Variants in ULK4 observed in about 807,000 individuals in gnomAD.
ULK4 encodes inactive serine/threonine-protein kinase ULK4.
ULK4 carries 133 observed loss-of-function variants against 160.6 expected under a neutral mutation model. The ratio of observed to expected loss-of-function variants is 0.83; its 90% CI spans 0.72 to 0.96. ULK4 has a LOEUF of 0.96. ULK4 is among the 40% of genes least tolerant of loss of function. The pLI is 0.00. For missense variants in ULK4, 1,580 were observed against 1,499.5 expected (o/e 1.05, Z -0.89); for synonymous variants, 534 against 539.8 (o/e 0.99, Z 0.15).
chr3:41,826,667 T>G (rs1410925799), intron 18 of ULK4, among the ~76,000 whole-genome samples: 3 of 149,250 alleles, frequency 2.0e-5, no homozygotes, highest in Non-Finnish European at 4.4e-5. Context: ...AGCAAGTCCT[T>G]AGAGACCTAC....
chr3:41,919,312 GTTT>G (rs978402189), intron 6 of ULK4, among the ~76,000 whole-genome samples: 1 of 152,122 alleles, frequency 6.6e-6, no homozygotes, highest in Non-Finnish European at 1.5e-5. Flanking sequence ...TAAGGTCACA[GTTT>G]TTTTGGCCAG....
chr3:41,706,567 C>T lies in ULK4; in HGVS notation c.2635-1262G>A, dbSNP rs370460127. Among the ~76,000 whole-genome samples the T allele has an allele frequency of 3.3e-5, 5 of 151,272 alleles. 1 individual carries two copies. In the East Asian group the frequency reaches 9.7e-4, roughly 29 times the overall value. ...CATAGGCCAAGCGCAGTGGCTCACA[C>T]CTGTAATCCCAGCACTTTGGGAGGC... On this transcript the variant is annotated intron_variant, in intron 25 of 36. Transcript: ENST00000301831.
At chr3:41,470,260 C>G (rs1424141867) in intron 32 of ULK4, among the ~76,000 whole-genome samples, 1 of 151,898 alleles carries the variant, frequency 6.6e-6, no homozygotes, top group Non-Finnish European at 1.5e-5. Flanking sequence ...CAAGGGAGTC[C>G]CAATACAATG....
intron 6 of ULK4, among the ~76,000 whole-genome samples, chr3:41,919,510 A>C (rs1363293545): frequency 6.6e-6 from 1 of 152,148 alleles, no homozygotes; most frequent in Non-Finnish European, 1.5e-5. Flanking sequence ...GCTGAGACAC[A>C]GGAATGGCTT....
intron 17 of ULK4, among the ~76,000 whole-genome samples, chr3:41,880,678 T>G (rs1357500703): frequency 6.6e-6 from 1 of 152,146 alleles, no homozygotes; most frequent in Non-Finnish European, 1.5e-5. Context: ...ATCCCAATAC[T>G]TTGGGGAAGC....
intron 35 of ULK4, among the ~76,000 whole-genome samples, chr3:41,327,532 C>T (rs2080361199): frequency 6.6e-6 from 1 of 152,156 alleles, no homozygotes; most frequent in South Asian, 2.1e-4. Context: ...CTTCCAAATT[C>T]CTGATTATTA....
intron 35 of ULK4, among the ~76,000 whole-genome samples, chr3:41,352,563 G>T (rs1051098364): frequency 4.6e-5 from 7 of 152,128 alleles, no homozygotes; most frequent in African/African-American, 1.7e-4. Flanking sequence ...ATCTCTTTCA[G>T]TTATGAGCTG....
At chr3:41,880,690 A>T (rs1697485257) in intron 17 of ULK4, among the ~76,000 whole-genome samples, 1 of 152,166 alleles carries the variant, frequency 6.6e-6, no homozygotes, top group South Asian at 2.1e-4. Flanking sequence ...TGGGGAAGCC[A>T]AGACAAATGG....
At chr3:41,635,164 C>T (rs1305090023) in intron 30 of ULK4, among the ~76,000 whole-genome samples, 1 of 151,998 alleles carries the variant, frequency 6.6e-6, no homozygotes, top group African/African-American at 2.4e-5. Context: ...TTTAGTATCC[C>T]CAAGCCTATT....
At chr3:41,550,299 ACC>A (rs2087012133) in intron 32 of ULK4, among the ~76,000 whole-genome samples, 1 of 152,084 alleles carries the variant, frequency 6.6e-6, no homozygotes, top group African/African-American at 2.4e-5. Context: ...ATCAATAATA[ACC>A]TTGAATATAA....
At chr3:41,468,534 G>A (rs1009357477) in intron 32 of ULK4, among the ~76,000 whole-genome samples, 8 of 152,118 alleles carry the variant, frequency 5.3e-5, no homozygotes, top group Admixed American at 2.6e-4. Flanking sequence ...GTTTCCGCAC[G>A]TTCCACAGAA....
At chr3:41,351,984 C>T (rs1318756697) in intron 35 of ULK4, among the ~76,000 whole-genome samples, 2 of 152,160 alleles carry the variant, frequency 1.3e-5, no homozygotes, top group African/African-American at 2.4e-5. Context: ...AAGGACAATA[C>T]ATAAACAGAC....
intron 19 of ULK4, among the ~76,000 whole-genome samples, chr3:41,815,537 T>C (rs1306097319): frequency 6.6e-6 from 1 of 152,202 alleles, no homozygotes; most frequent in Non-Finnish European, 1.5e-5. Context: ...TTGAAGGCAA[T>C]ACTCTGTAAA....
intron 35 of ULK4, among the ~76,000 whole-genome samples, chr3:41,260,964 G>A (rs968271968): frequency 5.3e-5 from 8 of 152,216 alleles, no homozygotes; most frequent in African/African-American, 1.9e-4. Context: ...CTGGAATACA[G>A]TGATTCCTCA....
intron 35 of ULK4, among the ~76,000 whole-genome samples, chr3:41,354,272 G>T (rs1005367901): frequency 4.3e-4 from 66 of 152,168 alleles, no homozygotes; most frequent in African/African-American, 1.6e-3. Context: ...CTGAGCAGGG[G>T]CTATGTTGAT....
intron 32 of ULK4, among the ~76,000 whole-genome samples, chr3:41,563,826 G>T (rs1474740477): frequency 6.6e-6 from 1 of 152,128 alleles, no homozygotes; most frequent in Non-Finnish European, 1.5e-5. Flanking sequence ...GCTTGGAGAA[G>T]TTTGTTATTA....
intron 32 of ULK4, among the ~76,000 whole-genome samples, chr3:41,498,665 A>G (rs2085080470): frequency 6.6e-6 from 1 of 151,134 alleles, no homozygotes; most frequent in Non-Finnish European, 1.5e-5. Context: ...GCACGATCTC[A>G]GCCCACTGCA....
chr3:41,450,094 AG>A (rs2083392500), intron 34 of ULK4, among the ~76,000 whole-genome samples: 1 of 152,094 alleles, frequency 6.6e-6, no homozygotes, highest in African/African-American at 2.4e-5. Context: ...AGGGACAAGC[AG>A]GCTGTAGCAT....
intron 19 of ULK4, among the ~76,000 whole-genome samples, chr3:41,812,290 C>CAAAA (rs1220164345): frequency 1.3e-5 from 2 of 151,922 alleles, no homozygotes; most frequent in Admixed American, 1.3e-4. Flanking sequence ...GTCTCAAAAA[C>CAAAA]AAACAAAACA....
Sources: gnomAD v4.1 joint callset for allele counts (sites outside exome capture counted in the v4.1 genomes callset) on GRCh38, gnomAD v4.1.1 for gene constraint, MANE v1.5 for transcripts, NCBI Gene and HGNC (gene_info 2026-07-23, HGNC 2026-07-21) for gene names.